Variants in RALA observed in about 807,000 individuals in gnomAD.
RALA encodes the protein RAS like proto-oncogene A, also known as ras-related protein Ral-A.
Under a neutral mutation model 24.0 loss-of-function variants are expected in RALA, and 5 were observed. The observed-to-expected ratio is 0.21, with a 90% confidence interval of 0.11 to 0.44. RALA has a LOEUF of 0.44. Ranked by LOEUF, RALA falls within the 20% of genes least tolerant of loss-of-function variation. The pLI, the probability that RALA is intolerant of heterozygous loss-of-function variation, is 0.99. For missense variants in RALA, 95 were observed against 241.2 expected (o/e 0.39, Z 4.01); for synonymous variants, 77 against 83.8 (o/e 0.92, Z 0.44).
At chr7:39,653,327 C>A (rs958340851) in intron 1 of RALA, among the ~76,000 whole-genome samples, 1 of 151,958 alleles carries the variant, frequency 6.6e-6, no homozygotes, top group African/African-American at 2.4e-5. Flanking sequence ...CACGCCCGGC[C>A]TATTATTATT....
At chr7:39,660,716 T>G (rs989576223) in intron 1 of RALA, among the ~76,000 whole-genome samples, 3 of 152,110 alleles carry the variant, frequency 2.0e-5, no homozygotes, top group African/African-American at 7.2e-5. Context: ...ATTGGAAATT[T>G]TTTTACAGAT....
chr7:39,674,737 G>A (rs533272643), intron 1 of RALA, among the ~76,000 whole-genome samples: 2 of 151,844 alleles, frequency 1.3e-5, no homozygotes, highest in South Asian at 2.1e-4. Flanking sequence ...TATCTTGGGG[G>A]ATGGGACCCA....
chr7:39,685,944 G>T (rs1477470924), intron 1 of RALA, among the ~76,000 whole-genome samples: 1 of 152,146 alleles, frequency 6.6e-6, no homozygotes, highest in Non-Finnish European at 1.5e-5. Context: ...GGTGGCTCAC[G>T]CCTGTAATCC....
At chr7:39,666,626 G>A (rs1319623965) in intron 1 of RALA, among the ~76,000 whole-genome samples, 1 of 152,220 alleles carries the variant, frequency 6.6e-6, no homozygotes, top group Non-Finnish European at 1.5e-5. Flanking sequence ...CTGGATGGAT[G>A]TGGGGTGCCA....
chr7:39,632,110 G>A (rs927355254), intron 1 of RALA, among the ~76,000 whole-genome samples: 2 of 152,200 alleles, frequency 1.3e-5, no homozygotes, highest in African/African-American at 4.8e-5. Flanking sequence ...CAAGCCATTC[G>A]TGAGGAATCT....
chr7:39,706,269 T>C lies in RALA; in HGVS notation c.*24T>C, dbSNP rs557084444. ...AATCAAAGCCCAAACTCCTTTCTTA[T>C]CTTGACCATACTAATAAATATAATT... On this transcript the variant is annotated 3_prime_UTR_variant, in exon 5 of 5. Coordinates refer to ENST00000005257, the MANE Select transcript of RALA (RefSeq NM_005402.4). 1 of 1,590,886 alleles carries C rather than the reference T, an allele frequency of 6.3e-7. No homozygotes were observed. The highest frequency in any genetic ancestry group is 1.2e-5 in the South Asian group (1 of 86,186).
intron 4 of RALA, chr7:39,703,075 T>C (rs938286608): frequency 6.6e-6 from 1 of 152,232 alleles, no homozygotes; most frequent in Admixed American, 6.5e-5. Context: ...GTACGTTATA[T>C]GTTTCAAAAC....
At chr7:39,666,557 C>T (rs1418357281) in intron 1 of RALA, among the ~76,000 whole-genome samples, 3 of 152,196 alleles carry the variant, frequency 2.0e-5, no homozygotes, top group Admixed American at 6.5e-5. Flanking sequence ...AAGTGACATT[C>T]GCAATGCCTT....
At chr7:39,649,025 A>G (rs143990175) in intron 1 of RALA, among the ~76,000 whole-genome samples, 1 of 152,082 alleles carries the variant, frequency 6.6e-6, no homozygotes, top group Non-Finnish European at 1.5e-5. Flanking sequence ...ATGCCGTTGC[A>G]CTCCAGCCTG....
intron 1 of RALA, among the ~76,000 whole-genome samples, chr7:39,651,279 C>T (rs995996851): frequency 1.3e-5 from 2 of 152,188 alleles, no homozygotes; most frequent in African/African-American, 4.8e-5. Context: ...TGTTTTCAAC[C>T]TAACAATGGT....
intron 1 of RALA, among the ~76,000 whole-genome samples, chr7:39,670,604 A>G (rs1792363370): frequency 6.6e-6 from 1 of 152,248 alleles, no homozygotes; most frequent in Non-Finnish European, 1.5e-5. Flanking sequence ...AAGCACACAT[A>G]TATCTTTGCA....
At chr7:39,704,770 G>A (rs1793088040) in intron 4 of RALA, among the ~76,000 whole-genome samples, 1 of 151,946 alleles carries the variant, frequency 6.6e-6, no homozygotes, top group African/African-American at 2.4e-5. Context: ...CCACCTCCTG[G>A]GTTCAAGCAA....
At chr7:39,625,505 A>C (rs1471443195) in intron 1 of RALA, among the ~76,000 whole-genome samples, 5 of 152,214 alleles carry the variant, frequency 3.3e-5, no homozygotes, top group African/African-American at 1.2e-4. Flanking sequence ...CAGAATGCTT[A>C]TAGTGGTTCA....
intron 1 of RALA, among the ~76,000 whole-genome samples, chr7:39,651,350 G>A (rs1465431559): frequency 6.6e-6 from 1 of 152,148 alleles, no homozygotes; most frequent in East Asian, 1.9e-4. Context: ...CACACAGACC[G>A]ACCCTGGTAC....
At chr7:39,692,590 G>T (rs957210390) in intron 3 of RALA, among the ~76,000 whole-genome samples, 1 of 152,136 alleles carries the variant, frequency 6.6e-6, no homozygotes, top group African/African-American at 2.4e-5. Flanking sequence ...CAGCAAAGTT[G>T]CTAGTAAAAC....
At chr7:39,628,791 G>T (rs1035477798) in intron 1 of RALA, among the ~76,000 whole-genome samples, 2 of 152,058 alleles carry the variant, frequency 1.3e-5, no homozygotes, top group Non-Finnish European at 2.9e-5. Context: ...TCCTGACCTC[G>T]TGAGCCATGT....
At chr7:39,651,044 C>T (rs926701830) in intron 1 of RALA, among the ~76,000 whole-genome samples, 3 of 152,174 alleles carry the variant, frequency 2.0e-5, no homozygotes, top group Admixed American at 6.5e-5. Flanking sequence ...ACTTCTGTAT[C>T]GTAGACAGTC....
intron 4 of RALA, among the ~76,000 whole-genome samples, chr7:39,702,488 C>T (rs1198979170): frequency 6.6e-6 from 1 of 152,176 alleles, no homozygotes; most frequent in African/African-American, 2.4e-5. Flanking sequence ...TAGATGTATC[C>T]ACATTCTTTT....
intron 1 of RALA, chr7:39,624,031 G>GC (rs1410738400): frequency 6.6e-6 from 1 of 152,170 alleles, no homozygotes; most frequent in Admixed American, 6.5e-5. Flanking sequence ...GGGCGAGTGA[G>GC]CCCCCGAGAG....
Sources: allele counts gnomAD v4.1 joint callset (sites outside exome capture counted in the v4.1 genomes callset), GRCh38; gene constraint gnomAD v4.1.1; transcripts MANE v1.5; gene names NCBI Gene and HGNC (gene_info 2026-07-23, HGNC 2026-07-21).